DNAI4: variants seen among roughly 807,000 people sequenced by gnomAD.
DNAI4 encodes WD repeat domain 78.
In DNAI4, 85 loss-of-function variants were observed where a neutral mutation model predicts 105.8. That is an observed-to-expected ratio of 0.80 (90% CI 0.67 to 0.96). The LOEUF (loss-of-function observed/expected upper bound fraction) is 0.96, where lower values mean the gene tolerates loss of function less well. Ranked by LOEUF, DNAI4 falls within the 40% of genes least tolerant of loss-of-function variation. DNAI4 has a pLI of 0.00. For synonymous variants in DNAI4, 352 were observed against 331.5 expected, an observed-to-expected ratio of 1.06 and a Z score of -0.67; for missense variants, 1,014 against 1,005.6, an observed-to-expected ratio of 1.01 and a Z score of -0.11.
chr1:66,827,469 T>TA (rs1408829149), intron 14 of DNAI4, among the ~76,000 whole-genome samples: 2 of 151,900 alleles, frequency 1.3e-5, no homozygotes, highest in Admixed American at 1.3e-4. Context: ...TCAGCCTGGG[T>TA]AACAGTGAGA....
intron 8 of DNAI4, among the ~76,000 whole-genome samples, chr1:66,843,062 T>A (rs909672137): frequency 2.0e-5 from 3 of 151,680 alleles, no homozygotes; most frequent in African/African-American, 7.3e-5. Flanking sequence ...TAGCTGGGTG[T>A]GGTGGTGCAC....
intron 16 of DNAI4, among the ~76,000 whole-genome samples, chr1:66,818,182 G>A (rs148754263): frequency 4.6e-5 from 7 of 151,956 alleles, no homozygotes; most frequent in African/African-American, 9.6e-5. Context: ...ATATAAATGT[G>A]TAATTTTGGT....
chr1:66,914,781 T>C (rs568840710), intron 1 of DNAI4, among the ~76,000 whole-genome samples: 40 of 152,302 alleles, frequency 2.6e-4, no homozygotes, highest in African/African-American at 9.1e-4. Flanking sequence ...TGTCTATGTA[T>C]CTATGTGTTG....
At chr1:66,879,286 T>C (rs959063415) in intron 4 of DNAI4, among the ~76,000 whole-genome samples, 3 of 152,246 alleles carry the variant, frequency 2.0e-5, no homozygotes, top group African/African-American at 7.2e-5. Flanking sequence ...TCAGACAGGA[T>C]ATAGTCTTTT....
intron 10 of DNAI4, among the ~76,000 whole-genome samples, chr1:66,836,300 GAAAGAAAGAAAGAA>G (rs1646019718): frequency 6.7e-6 from 1 of 150,160 alleles, no homozygotes; most frequent in African/African-American, 2.5e-5. Context: ...AAGAAAGAAA[GAAAGAAAGAAAGAA>G]AGAAAGAAAG....
At position 66,826,857 on chromosome 1, in the gene DNAI4, C is replaced by T; in HGVS notation, c.2302G>A (p.Glu768Lys). 3 of 1,614,104 alleles carry T rather than the reference C, an allele frequency of 1.9e-6. No individual in the cohort carries two copies. Among genetic ancestry groups the T allele is most frequent in the Non-Finnish European group, 2.5e-6 (3 of 1,180,006 alleles). ...KSSYIFAAAN[E>K]NRVEIWDLHI... ...AGGTCCCAAATCTCCACCCTGTTCT[C>T]ATTTGCAGCTGCAAATATATAGGAT... The change falls in exon 15 of 17, where the codon GAG becomes AAG. Residue 768 changes from glutamate (E) to lysine (K), a missense_variant. Physicochemically the swap from Glu to Lys is moderately conservative, Grantham distance 56. Transcript: ENST00000371026.
At position 66,834,120 on chromosome 1, in the gene DNAI4, C is replaced by G. The variant is rs1162404330; in HGVS notation, c.1762G>C (p.Val588Leu). The G allele has an allele frequency of 2.5e-6, 4 of 1,607,074 alleles. No homozygotes were observed. Among genetic ancestry groups the G allele is most frequent in the Non-Finnish European group, 3.4e-6 (4 of 1,177,986 alleles). Residue 588 changes from valine (V) to leucine (L), a missense_variant, in exon 12 of 17, where the codon GTA (valine) becomes CTA (leucine). By Grantham distance (32) the Val-to-Leu change is conservative. Coordinates refer to ENST00000371026, the MANE Select transcript of DNAI4 (RefSeq NM_024763.5). ...TGTTCTATCCACTGTAGTTGCCATACAGGTCCCAAATGTTTTTGAGGTGAT... is the reference window on the plus strand; with the variant it reads ...TGTTCTATCCACTGTAGTTGCCATAGAGGTCCCAAATGTTTTTGAGGTGAT... ...SESPQKHLGPVWQLQWIEQDR... is the reference protein window; with the variant it reads ...SESPQKHLGPLWQLQWIEQDR...
At chr1:66,911,422 A>G (rs1049499190) in intron 1 of DNAI4, among the ~76,000 whole-genome samples, 2 of 152,168 alleles carry the variant, frequency 1.3e-5, no homozygotes, top group African/African-American at 4.8e-5. Flanking sequence ...ACTGTTGGCT[A>G]TTGGTGATCA....
In DNAI4 at chr1:66,890,984, A is replaced by C. The variant is rs1647584058; in HGVS notation, c.643+170T>G. On this transcript the variant is annotated intron_variant, in intron 4 of 16. Transcript: ENST00000371026. This position sits in a 1 kb window ranked among gnomAD's most constrained non-coding sequence, Gnocchi z 4.1. ...GGCTGATGATTCAAAACAGTCACCCAGGGAACTTAAAAAAATAGATATTCC... is the reference window on the plus strand; with the variant it reads ...GGCTGATGATTCAAAACAGTCACCCCGGGAACTTAAAAAAATAGATATTCC... 1 of 625,902 alleles carries C rather than the reference A, an allele frequency of 1.6e-6. No homozygotes were observed. Among genetic ancestry groups the C allele is most frequent in the African/African-American group, 1.8e-5 (1 of 54,492 alleles). The allele number at this position is 625,902 out of a possible 1,614,324, so 38.8% of individuals were successfully genotyped here.
In DNAI4 at chr1:66,837,646, A is replaced by G. The variant is rs769178797; in HGVS notation, c.1581+64T>C. The G allele has an allele frequency of 1.2e-5, 18 of 1,467,008 alleles. No homozygotes were observed. In the Admixed American group the frequency reaches 3.5e-4, roughly 29 times the overall value. The allele number at this position is 1,467,008 out of a possible 1,614,324, so 90.9% of individuals were successfully genotyped here. ...CTTTATTTAATTATTACATGTAATT[A>G]TATATTTTATGAGAATTTTGTCAAC... On this transcript the variant is annotated intron_variant, in intron 10 of 16. Coordinates refer to ENST00000371026, the MANE Select transcript of DNAI4 (RefSeq NM_024763.5).
At chr1:66,856,023 A>G (rs1044727213) in intron 7 of DNAI4, among the ~76,000 whole-genome samples, 11 of 151,528 alleles carry the variant, frequency 7.3e-5, no homozygotes, top group Non-Finnish European at 1.6e-4. Flanking sequence ...TTTAGTAGAG[A>G]TGGGGTTTTG....
intron 1 of DNAI4, among the ~76,000 whole-genome samples, chr1:66,912,079 A>G (rs547953989): frequency 9.3e-4 from 142 of 152,294 alleles, no homozygotes; most frequent in Non-Finnish European, 1.6e-3. Flanking sequence ...TGACCTCAGG[A>G]TCTGCCCGCC....
chr1:66,849,134 G>T (rs1170668518), intron 7 of DNAI4, among the ~76,000 whole-genome samples: 1 of 152,162 alleles, frequency 6.6e-6, no homozygotes, highest in Non-Finnish European at 1.5e-5. Flanking sequence ...CTTCCCACTG[G>T]AGTAGTCAGA....
In DNAI4 at chr1:66,862,064, A is replaced by G. The variant is rs559363237; in HGVS notation, c.1096+83T>C. On this transcript the variant is annotated intron_variant, in intron 7 of 16. Transcript: ENST00000371026. The stretch of plus-strand genomic sequence containing the variant: ...ACTTTTCATGGTCCATTAGAAAGAA[A>G]ACATTGTTAACTGCCAAAAAAGAAT... The G allele has an allele frequency of 3.2e-5, 43 of 1,346,280 alleles. No individual in the cohort carries two copies. The African/African-American group carries it at 6.0e-4, about 19-fold the overall frequency. 83.4% of individuals were successfully genotyped at this position (1,346,280 alleles called of 1,614,324 possible).
intron 7 of DNAI4, among the ~76,000 whole-genome samples, chr1:66,860,543 C>T (rs1646603930): frequency 6.6e-6 from 1 of 151,860 alleles, no homozygotes; most frequent in Non-Finnish European, 1.5e-5. Context: ...GTTTCCCCTA[C>T]TCCCTTGACT....
intron 4 of DNAI4, among the ~76,000 whole-genome samples, chr1:66,884,092 G>C (rs1647139270): frequency 6.6e-6 from 1 of 152,072 alleles, no homozygotes; most frequent in South Asian, 2.1e-4. Flanking sequence ...GTCTTTCTGT[G>C]TCTGGTTTAT....
At chr1:66,918,407 CCTT>C (rs1269432309) in intron 1 of DNAI4, among the ~76,000 whole-genome samples, 3 of 152,292 alleles carry the variant, frequency 2.0e-5, no homozygotes, top group South Asian at 4.1e-4. Context: ...CAATTTTCTT[CCTT>C]CTTTTTTGCC....
At position 66,893,364 on chromosome 1, in the gene DNAI4, G is replaced by T. The variant is rs748370855; in HGVS notation, c.395C>A (p.Pro132Gln). The T allele has an allele frequency of 6.3e-7, 1 of 1,599,954 alleles. No individual in the cohort carries two copies. Among genetic ancestry groups the T allele is most frequent in the South Asian group, 1.1e-5 (1 of 88,864 alleles). Residue 132 changes from proline to glutamine, a missense_variant, in exon 3 of 17, where the codon CCA becomes CAA. Coordinates refer to ENST00000371026, the MANE Select transcript of DNAI4 (RefSeq NM_024763.5). ...TDVTPRPLYH[P>Q]DPLTGTAKPS... is the part of the protein sequence containing the mutation. ...TTTTGCTGTACCAGTAAGTGGATCTGGATGGTAAAGAGGTCGGGGAGTAAC... is the reference window on the plus strand; with the variant it reads ...TTTTGCTGTACCAGTAAGTGGATCTTGATGGTAAAGAGGTCGGGGAGTAAC...
intron 7 of DNAI4, among the ~76,000 whole-genome samples, chr1:66,858,161 C>A (rs1646542263): frequency 6.6e-6 from 1 of 152,030 alleles, no homozygotes; most frequent in Non-Finnish European, 1.5e-5. Flanking sequence ...ATTAGGCTAG[C>A]ATTACCCTAA....
Sources: gnomAD v4.1 joint callset for allele counts (sites outside exome capture counted in the v4.1 genomes callset) on GRCh38, gnomAD v4.1.1 for gene constraint, Gnocchi (gnomAD v3.1) non-coding constraint, MANE v1.5 for transcripts, NCBI Gene and HGNC (gene_info 2026-07-23, HGNC 2026-07-21) for gene names.